The following CASS4 variants were observed in gnomAD, a reference collection of about 807,000 sequenced individuals.
CASS4 encodes cas scaffolding protein family member 4.
CASS4 carries 22 observed loss-of-function variants against 54.2 expected under a neutral mutation model. The ratio of observed to expected loss-of-function variants is 0.41; its 90% CI spans 0.29 to 0.58. CASS4 has a LOEUF of 0.58. CASS4 is among the 20% of genes least tolerant of loss of function. The pLI is 0.36. For missense variants in CASS4, 854 were observed against 986.7 expected, an observed-to-expected ratio of 0.87 and a Z score of 1.80; for synonymous variants, 409 against 391.5, an observed-to-expected ratio of 1.04 and a Z score of -0.53.
In CASS4 at chr20:56,414,183, C is replaced by T. The variant is rs928148779; in HGVS notation, c.36+1689C>T. ...AATAATGCCATTCTACTATTCAGTC[C>T]ACATTCACATTTTCCAAAATTATCC... On this transcript the variant is annotated intron_variant, in intron 1 of 5. Coordinates refer to ENST00000679887, the MANE Select transcript of CASS4 (RefSeq NM_020356.4). This position sits in a 1 kb window ranked among gnomAD's most constrained non-coding sequence, Gnocchi z 4.1. Among the ~76,000 whole-genome samples, 49 of 152,094 alleles carry T rather than the reference C, an allele frequency of 3.2e-4. No homozygotes were observed. Among genetic ancestry groups the T allele is most frequent in the African/African-American group, 1.2e-3 (49 of 41,408 alleles).
intron 1 of CASS4, among the ~76,000 whole-genome samples, chr20:56,415,637 G>C (rs1335303902): frequency 1.3e-5 from 2 of 152,140 alleles, no homozygotes; most frequent in African/African-American, 4.8e-5. Flanking sequence ...GCTTCAAGGG[G>C]TCATGTCATG....
chr20:56,443,361 C>G (rs1283637771), intron 2 of CASS4, among the ~76,000 whole-genome samples: 1 of 150,156 alleles, frequency 6.7e-6, no homozygotes. Flanking sequence ...CCCAGCTACT[C>G]GGGAGGCTGA....
Position 56,412,576 on chromosome 20 carries a change from G to T in CASS4, c.36+82G>T. The T allele has an allele frequency of 7.0e-7, 1 of 1,426,162 alleles. No individual in the cohort carries two copies. Among genetic ancestry groups the T allele is most frequent in the South Asian group, 1.2e-5 (1 of 81,318 alleles). The allele number at this position is 1,426,162 out of a possible 1,614,324, so 88.3% of individuals were successfully genotyped here. On this transcript the variant is annotated intron_variant, in intron 1 of 5. Coordinates refer to ENST00000679887, the MANE Select transcript of CASS4 (RefSeq NM_020356.4). This position sits in a 1 kb window ranked among gnomAD's most constrained non-coding sequence, Gnocchi z 4.2. ...AAGGGTGTTGACCAGCTTTAGTTGT[G>T]ACTTTCTAATAAAGGTTGAATACCA...
intron 1 of CASS4, among the ~76,000 whole-genome samples, chr20:56,424,087 T>A (rs1341863561): frequency 6.6e-6 from 1 of 152,222 alleles, no homozygotes; most frequent in Non-Finnish European, 1.5e-5. Flanking sequence ...ACTACTTTGC[T>A]AAGTTTTTTT....
At chr20:56,415,121 C>G (rs1979067191) in intron 1 of CASS4, among the ~76,000 whole-genome samples, 1 of 152,192 alleles carries the variant, frequency 6.6e-6, no homozygotes. Context: ...TCATTATATT[C>G]TCTCCCTTGT....
Position 56,452,613 on chromosome 20 carries a change from C to A in CASS4, c.1437C>A (p.Ile479=). 1 of 1,614,164 alleles carries A rather than the reference C, an allele frequency of 6.2e-7. No individual in the cohort carries two copies. Among genetic ancestry groups the A allele is most frequent in the Non-Finnish European group, 8.5e-7 (1 of 1,180,030 alleles). The change falls in exon 5 of 6, where the codon ATC becomes ATA. Residue 479 remains isoleucine (I), a synonymous_variant. Transcript: ENST00000679887. ...RDYLEANIDA[I]HRSTDHIEES... ...ATCTGGAGGCCAACATTGATGCAAT[C>A]CACAGGTCCACTGATCACATAGAAG...
intron 2 of CASS4, among the ~76,000 whole-genome samples, chr20:56,442,029 G>T (rs1170482576): frequency 6.7e-6 from 1 of 149,044 alleles, no homozygotes; most frequent in African/African-American, 2.6e-5. Context: ...CCAAATGGAA[G>T]CGGCTGTTGG....
chr20:56,446,074 C>G, intron 3 of CASS4, 73 bp downstream of exon 3: 1 of 1,001,670 alleles, frequency 1.0e-6, no homozygotes, highest in Admixed American at 2.1e-5. Context: ...GGATCATGCC[C>G]ACATTGCATT....
rs11355939 is a variant in CASS4, at chr20:56,458,014, CAAAAAAAA to C, written c.1954-311_1954-304del. Among the ~76,000 whole-genome samples the C allele has an allele frequency of 5.2e-5, 4 of 76,506 alleles. No homozygotes were observed. In the South Asian group the frequency reaches 1.6e-3, roughly 30 times the overall value. The allele number at this position is 76,506 out of a possible 152,430, so 50.2% of individuals were successfully genotyped here. On this transcript the variant is annotated intron_variant, in intron 5 of 5. Transcript: ENST00000679887. ...TGGAAGATAAAGGAAAACTCTGTCT[CAAAAAAAA>C]AAAAAAAAAAAAAAGTTATAAATAT...
At position 56,458,936 on chromosome 20, in the gene CASS4, G is replaced by A. The variant is rs997145576; in HGVS notation, c.*189G>A. On this transcript the variant is annotated 3_prime_UTR_variant, in exon 6 of 6. Transcript: ENST00000679887. ...ATTGACTTACCCCGCAGGGGGTCAGGAAAGAGAGTCAGGTATGAGGTAAAG... is the reference window on the plus strand; with the variant it reads ...ATTGACTTACCCCGCAGGGGGTCAGAAAAGAGAGTCAGGTATGAGGTAAAG... 7 of 587,310 alleles carry A rather than the reference G, an allele frequency of 1.2e-5. No homozygotes were observed. The East Asian group carries it at 1.7e-4, about 14-fold the overall frequency. 36.4% of individuals were successfully genotyped at this position (587,310 alleles called of 1,614,324 possible). A position where few individuals can be genotyped will look rare whatever the true frequency, so the allele number is the denominator to read the frequency against.
chr20:56,444,301 A>C (rs548753038), intron 2 of CASS4, among the ~76,000 whole-genome samples: 1 of 152,188 alleles, frequency 6.6e-6, no homozygotes, highest in South Asian at 2.1e-4. Flanking sequence ...TCAGCTCTGC[A>C]TATTGAAACC....
chr20:56,458,905 C>T lies in CASS4; in HGVS notation c.*158C>T. ...GTAGTACCAAGTGGCTAAGCAACCC[C>T]AGGGCATTGACTTACCCCGCAGGGG... On this transcript the variant is annotated 3_prime_UTR_variant, in exon 6 of 6. Coordinates refer to ENST00000679887, the MANE Select transcript of CASS4 (RefSeq NM_020356.4). The T allele has an allele frequency of 1.4e-6, 1 of 702,718 alleles. No homozygotes were observed. The highest frequency in any genetic ancestry group is 2.7e-5 in the East Asian group (1 of 36,524). 43.5% of individuals were successfully genotyped at this position (702,718 alleles called of 1,614,324 possible).
At chr20:56,416,625 T>C (rs1979153643) in intron 1 of CASS4, among the ~76,000 whole-genome samples, 1 of 152,044 alleles carries the variant, frequency 6.6e-6, no homozygotes, top group Admixed American at 6.6e-5. Context: ...TTTTCCCCAA[T>C]AACATGATTT....
At chr20:56,415,806 C>A (rs1303494379) in intron 1 of CASS4, among the ~76,000 whole-genome samples, 1 of 152,224 alleles carries the variant, frequency 6.6e-6, no homozygotes, top group Non-Finnish European at 1.5e-5. Flanking sequence ...ACCTGCTGGC[C>A]AGTAGCTCCG....
At chr20:56,446,035 A>T (rs749579321) in intron 3 of CASS4, 34 bp downstream of exon 3, 1 of 1,423,764 alleles carries the variant, frequency 7.0e-7, no homozygotes, top group Non-Finnish European at 9.9e-7. Context: ...CATCACCCAG[A>T]CCTCTGCGCC....
intron 2 of CASS4, among the ~76,000 whole-genome samples, chr20:56,438,169 C>A (rs1479844532): frequency 6.6e-6 from 1 of 151,864 alleles, no homozygotes; most frequent in Non-Finnish European, 1.5e-5. Context: ...CATGTGTAGT[C>A]CCAACTACTT....
chr20:56,423,787 C>T (rs1026400363), intron 1 of CASS4, among the ~76,000 whole-genome samples: 2 of 152,122 alleles, frequency 1.3e-5, no homozygotes, highest in Non-Finnish European at 2.9e-5. Flanking sequence ...TCAAGTGATC[C>T]GCACACCTCG....
chr20:56,436,420 A>G (rs1980170671), intron 1 of CASS4, among the ~76,000 whole-genome samples: 1 of 149,638 alleles, frequency 6.7e-6, no homozygotes, highest in East Asian at 1.9e-4. Context: ...ATATATATCA[A>G]CCCGTCATAT....
At chr20:56,445,533 G>A (rs758143554) in intron 2 of CASS4, among the ~76,000 whole-genome samples, 4 of 152,222 alleles carry the variant, frequency 2.6e-5, no homozygotes, top group Non-Finnish European at 5.9e-5. Flanking sequence ...CTGGTCCCTA[G>A]AGAACATCGG....
Sources: gnomAD v4.1 joint callset for allele counts (sites outside exome capture counted in the v4.1 genomes callset) on GRCh38, gnomAD v4.1.1 for gene constraint, Gnocchi (gnomAD v3.1) non-coding constraint, MANE v1.5 for transcripts, NCBI Gene and HGNC (gene_info 2026-07-23, HGNC 2026-07-21) for gene names.